The following ME1 variants were observed in gnomAD, a reference collection of about 807,000 sequenced individuals.
The protein encoded by ME1 is malic enzyme 1.
In ME1, 74 loss-of-function variants were observed where a neutral mutation model predicts 66.4. The observed-to-expected ratio is 1.11, with a 90% CI of 0.92 to 1.35. The LOEUF is 1.35. Among genes scored for constraint, ME1 ranks in the 40% most tolerant of loss-of-function variants. The pLI is 0.00. For synonymous variants in ME1, 251 were observed against 235.6 expected (o/e 1.07, Z -0.60); for missense variants, 750 against 694.1 (o/e 1.08, Z -0.90).
intron 5 of ME1, among the ~76,000 whole-genome samples, chr6:83,329,082 T>A (rs936870551): frequency 4.6e-5 from 7 of 152,170 alleles, no homozygotes; most frequent in East Asian, 1.9e-4. Flanking sequence ...CACATTTCTA[T>A]CTTTACAATC....
At chr6:83,398,640 T>C (rs1031779674) in intron 2 of ME1, 124 bp from the exon 3 acceptor site, 81 of 531,768 alleles carry the variant, frequency 1.5e-4, no homozygotes, top group Admixed American at 9.0e-4. Flanking sequence ...AACATCTGAT[T>C]AAAAAAGACT....
rs554972393 is a variant in ME1, at chr6:83,391,268, G to A, written c.362+7099C>T. ...AATACCTTATACCAGACTACAACAA[G>A]TGGCAAAACCAGTAAGTAAAAATAG... On this transcript the variant is annotated intron_variant, in intron 3 of 13. Transcript: ENST00000369705. 9.2e-5 allele frequency among the ~76,000 whole-genome samples: 14 copies of A among 152,222 alleles called. 1 individual carries two copies. The East Asian group carries it at 2.5e-3, about 27-fold the overall frequency.
intron 3 of ME1, among the ~76,000 whole-genome samples, chr6:83,371,890 CAG>C (rs1341588118): frequency 1.3e-5 from 2 of 152,144 alleles, no homozygotes; most frequent in Admixed American, 1.3e-4. Flanking sequence ...ATAGAGTTCT[CAG>C]GGTACTTCCT....
chr6:83,238,541 G>A (rs926352273), intron 8 of ME1, among the ~76,000 whole-genome samples: 8 of 151,924 alleles, frequency 5.3e-5, no homozygotes, highest in Non-Finnish European at 8.8e-5. Flanking sequence ...GTAATAATCC[G>A]CAAAATAGAG....
intron 3 of ME1, chr6:83,393,460 C>T (rs1469082926): frequency 1.8e-6 from 1 of 545,690 alleles, no homozygotes; most frequent in Non-Finnish European, 3.3e-6. Flanking sequence ...GAGAGCGGCC[C>T]TCACTGCTGG....
intron 6 of ME1, among the ~76,000 whole-genome samples, chr6:83,286,491 A>T (rs572465441): frequency 1.3e-5 from 2 of 152,304 alleles, no homozygotes; most frequent in African/African-American, 4.8e-5. Context: ...CCATGATAAC[A>T]TTTGAATACA....
In ME1 at chr6:83,320,656, A is replaced by T. The variant is rs959681149; in HGVS notation, c.601-5243T>A. On this transcript the variant is annotated intron_variant, in intron 5 of 13. Coordinates refer to ENST00000369705, the MANE Select transcript of ME1 (RefSeq NM_002395.6). ...TTCTCCATGTCTAGAATATATTTAGACTTCTAAAATGTGAATTAGAAAAAT... is the reference window on the plus strand; with the variant it reads ...TTCTCCATGTCTAGAATATATTTAGTCTTCTAAAATGTGAATTAGAAAAAT... Among the ~76,000 whole-genome samples the T allele has an allele frequency of 3.9e-5, 6 of 152,218 alleles. 1 individual carries two copies. Among genetic ancestry groups the T allele is most frequent in the Non-Finnish European group, 2.9e-5 (2 of 68,032 alleles).
At chr6:83,215,265 C>T (rs1005352581) in intron 13 of ME1, among the ~76,000 whole-genome samples, 4 of 151,982 alleles carry the variant, frequency 2.6e-5, no homozygotes, top group African/African-American at 9.7e-5. Flanking sequence ...AGCAATTTGG[C>T]CCCCAAGGGG....
chr6:83,403,987 T>C (rs1210633382), intron 2 of ME1, among the ~76,000 whole-genome samples: 1 of 152,214 alleles, frequency 6.6e-6, no homozygotes. Flanking sequence ...GTCTTTATAG[T>C]AGAATGATCT....
intron 3 of ME1, among the ~76,000 whole-genome samples, chr6:83,369,620 T>C (rs941176519): frequency 6.9e-6 from 1 of 145,872 alleles, no homozygotes. Flanking sequence ...ACAGTGACCT[T>C]GTCAGAAAAA....
intron 1 of ME1, among the ~76,000 whole-genome samples, chr6:83,427,437 C>T (rs1770394577): frequency 6.6e-6 from 1 of 152,136 alleles, no homozygotes; most frequent in African/African-American, 2.4e-5. Context: ...GATTATCAAG[C>T]TTAAACCACA....
intron 6 of ME1, among the ~76,000 whole-genome samples, chr6:83,280,992 C>T (rs1009727527): frequency 6.6e-6 from 1 of 152,190 alleles, no homozygotes; most frequent in Non-Finnish European, 1.5e-5. Flanking sequence ...TAACAACCAT[C>T]TCACAAATAA....
chr6:83,412,693 C>T (rs1409853255), intron 1 of ME1, among the ~76,000 whole-genome samples: 2 of 152,034 alleles, frequency 1.3e-5, no homozygotes, highest in African/African-American at 4.8e-5. Context: ...ATACACAAAA[C>T]ATAGATGAAT....
intron 3 of ME1, among the ~76,000 whole-genome samples, chr6:83,384,189 A>G (rs765549668): frequency 6.6e-5 from 10 of 151,888 alleles, no homozygotes; most frequent in South Asian, 2.1e-4. Flanking sequence ...TATATACCCA[A>G]TAATGGGATT....
At chr6:83,254,213 T>C (rs1790767638) in intron 6 of ME1, among the ~76,000 whole-genome samples, 1 of 152,098 alleles carries the variant, frequency 6.6e-6, no homozygotes, top group Non-Finnish European at 1.5e-5. Context: ...AGCTGAAAGA[T>C]AAAAAAGAAA....
chr6:83,274,253 T>C (rs1767135602), intron 6 of ME1, among the ~76,000 whole-genome samples: 1 of 152,170 alleles, frequency 6.6e-6, no homozygotes. Context: ...TCTTGGGTCA[T>C]GATAATGGAG....
intron 4 of ME1, among the ~76,000 whole-genome samples, chr6:83,348,876 C>T (rs953018135): frequency 6.0e-5 from 9 of 149,172 alleles, no homozygotes; most frequent in African/African-American, 2.0e-4. Flanking sequence ...CCCAGCTACT[C>T]GGGAGGCTGA....
chr6:83,315,288 T>A lies in ME1; in HGVS notation c.704+22A>T, dbSNP rs181724263. 25 of 1,406,412 alleles carry A rather than the reference T, an allele frequency of 1.8e-5. No individual in the cohort carries two copies. In the East Asian group the frequency reaches 5.5e-4, roughly 31 times the overall value. 87.1% of individuals were successfully genotyped at this position (1,406,412 alleles called of 1,614,324 possible). On this transcript the variant is annotated intron_variant, in intron 6 of 13. Transcript: ENST00000369705. ...TATGTTATTGTTACTGACTAAAATA[T>A]AGGTTAAATAAAGATACATACTTGG...
rs533970628 is a variant in ME1 at position 83,426,228 on chromosome 6, A to G, written c.78+4649T>C. 4.6e-5 allele frequency among the ~76,000 whole-genome samples: 7 copies of G among 152,342 alleles called. No individual in the cohort carries two copies. The East Asian group carries it at 1.3e-3, about 29-fold the overall frequency. On this transcript the variant is annotated intron_variant, in intron 1 of 13. Transcript: ENST00000369705. The stretch of plus-strand genomic sequence containing the variant: ...ATTCTCCCCTACCTGTCCAAAAGTT[A>G]GAGGGAAATCAGAGCTGAAAAAGGC...
Sources: allele counts gnomAD v4.1 joint callset (sites outside exome capture counted in the v4.1 genomes callset), GRCh38; gene constraint gnomAD v4.1.1; transcripts MANE v1.5; gene names NCBI Gene and HGNC (gene_info 2026-07-23, HGNC 2026-07-21).